The following ZNF438 variants were observed in gnomAD, a reference collection of about 807,000 sequenced individuals.
The protein encoded by ZNF438 is zinc finger protein 438.
Under a neutral mutation model 38.0 loss-of-function variants are expected in ZNF438, and 25 were observed. The observed-to-expected ratio is 0.66, with a 90% CI of 0.48 to 0.92. The LOEUF (loss-of-function observed/expected upper bound fraction) is 0.92, where lower values mean the gene tolerates loss of function less well. Ranked by LOEUF, ZNF438 falls within the 40% of genes least tolerant of loss-of-function variation. The pLI, the probability that ZNF438 is intolerant of heterozygous loss-of-function variation, is 0.00. For synonymous variants in ZNF438, 372 were observed against 364.1 expected (o/e 1.02, Z -0.25); for missense variants, 1,007 against 999.6 (o/e 1.01, Z -0.10).
intron 1 of ZNF438, chr10:30,999,289 T>G (rs1358414303): frequency 6.6e-6 from 1 of 152,162 alleles, no homozygotes; most frequent in Non-Finnish European, 1.5e-5. Context: ...GGAAAATACA[T>G]CATTTTCTCC....
chr10:30,947,662 C>T (rs1419241044), intron 1 of ZNF438, among the ~76,000 whole-genome samples: 1 of 152,238 alleles, frequency 6.6e-6, no homozygotes, highest in Non-Finnish European at 1.5e-5. Context: ...GACTGCTGTG[C>T]TAGCAATCAG....
chr10:31,025,379 A>G (rs928939508), intron 1 of ZNF438, among the ~76,000 whole-genome samples: 2 of 152,212 alleles, frequency 1.3e-5, no homozygotes, highest in Non-Finnish European at 2.9e-5. Context: ...CACAAATGTG[A>G]CAACCAAAAA....
chr10:30,845,353 G>A (rs1347569910), exon 6 of ZNF438: 1 of 1,614,090 alleles, frequency 6.2e-7, no homozygotes, highest in Non-Finnish European at 8.5e-7. Flanking sequence ...TTCCAGTCGG[G>A]GCTAGCGTGC....
intron 3 of ZNF438, among the ~76,000 whole-genome samples, chr10:30,904,304 C>G (rs1202188281): frequency 6.6e-6 from 1 of 152,220 alleles, no homozygotes; most frequent in African/African-American, 2.4e-5. Flanking sequence ...CATTCACTTT[C>G]CAAAGTCCAG....
intron 1 of ZNF438, among the ~76,000 whole-genome samples, chr10:31,000,875 C>CT (rs2054586242): frequency 6.6e-6 from 1 of 152,074 alleles, no homozygotes; most frequent in Non-Finnish European, 1.5e-5. Context: ...TCTCCAAAAT[C>CT]TTTTAGTGGC....
chr10:31,000,794 CT>C (rs1283507521), intron 1 of ZNF438, among the ~76,000 whole-genome samples: 1 of 151,350 alleles, frequency 6.6e-6, no homozygotes, highest in East Asian at 2.1e-4. Flanking sequence ...AAAAACTTTT[CT>C]TGTGTTTCCT....
At chr10:30,971,154 A>C (rs553192543) in intron 1 of ZNF438, among the ~76,000 whole-genome samples, 1 of 152,344 alleles carries the variant, frequency 6.6e-6, no homozygotes, top group East Asian at 1.9e-4. Context: ...GGTATACTAA[A>C]GGTAGAATTT....
chr10:30,991,380 G>T (rs574457009), intron 1 of ZNF438, among the ~76,000 whole-genome samples: 1 of 152,308 alleles, frequency 6.6e-6, no homozygotes, highest in South Asian at 2.1e-4. Context: ...TTCTACTCTA[G>T]GTGCAGCAGG....
chr10:30,890,980 T>C (rs772903201), intron 3 of ZNF438, among the ~76,000 whole-genome samples: 2 of 152,238 alleles, frequency 1.3e-5, no homozygotes, highest in African/African-American at 2.4e-5. Context: ...AATATTCCAC[T>C]GTATTCTGGT....
At chr10:30,968,304 T>C (rs1433343461) in intron 1 of ZNF438, among the ~76,000 whole-genome samples, 3 of 152,120 alleles carry the variant, frequency 2.0e-5, no homozygotes, top group Non-Finnish European at 2.9e-5. Flanking sequence ...AGTCAGTCTG[T>C]AGGGAAAGCA....
chr10:31,019,593 AAAC>A (rs138968671), intron 1 of ZNF438, among the ~76,000 whole-genome samples: 12,734 of 152,258 alleles, frequency 0.084, 586 homozygotes, highest in African/African-American at 0.12. Context: ...ACTGCTGCAA[AAAC>A]AACAACCAAA....
At chr10:30,982,524 A>G (rs1282864983) in intron 1 of ZNF438, among the ~76,000 whole-genome samples, 1 of 152,222 alleles carries the variant, frequency 6.6e-6, no homozygotes, top group Non-Finnish European at 1.5e-5. Flanking sequence ...AATTCTGGCT[A>G]AAGACTACCA....
At chr10:30,963,408 AAAAAAG>A (rs1440742087) in intron 1 of ZNF438, among the ~76,000 whole-genome samples, 2 of 151,486 alleles carry the variant, frequency 1.3e-5, no homozygotes, top group Non-Finnish European at 2.9e-5. Flanking sequence ...AAAAAAAAAA[AAAAAAG>A]AAACTTTAAG....
exon 1 of ZNF438, chr10:31,031,936 C>T (rs1382505217): frequency 6.6e-6 from 1 of 152,260 alleles, no homozygotes; most frequent in East Asian, 1.9e-4. Flanking sequence ...AGGCTCCGCC[C>T]TCGCCCCGCC....
intron 4 of ZNF438, among the ~76,000 whole-genome samples, chr10:30,856,965 A>T (rs1000823268): frequency 1.3e-5 from 2 of 152,204 alleles, no homozygotes; most frequent in Non-Finnish European, 2.9e-5. Context: ...AATTAATGCT[A>T]GGTCTTTTAA....
intron 4 of ZNF438, among the ~76,000 whole-genome samples, chr10:30,863,695 T>A (rs1306834481): frequency 1.3e-5 from 2 of 152,244 alleles, no homozygotes; most frequent in East Asian, 3.8e-4. Flanking sequence ...CCCGAGGCTA[T>A]GTGTGCCTGT....
intron 1 of ZNF438, among the ~76,000 whole-genome samples, chr10:31,003,569 C>G (rs927717199): frequency 6.6e-6 from 1 of 152,154 alleles, no homozygotes; most frequent in South Asian, 2.1e-4. Flanking sequence ...TACTCTGATA[C>G]TAACCTCATG....
chr10:30,939,409 T>TA (rs1392875410), intron 2 of ZNF438, among the ~76,000 whole-genome samples: 3 of 152,192 alleles, frequency 2.0e-5, no homozygotes, highest in Non-Finnish European at 2.9e-5. Context: ...TCCCTATAGA[T>TA]AGAAGTATTT....
chr10:30,896,100 C>G (rs908957950), intron 3 of ZNF438, among the ~76,000 whole-genome samples: 1 of 151,972 alleles, frequency 6.6e-6, no homozygotes, highest in Non-Finnish European at 1.5e-5. Flanking sequence ...TCAAGACCAT[C>G]CTGGCTAACA....
Sources: allele counts gnomAD v4.1 joint callset (sites outside exome capture counted in the v4.1 genomes callset), GRCh38; gene constraint gnomAD v4.1.1; transcripts MANE v1.5; gene names NCBI Gene and HGNC (gene_info 2026-07-23, HGNC 2026-07-21).